Variants in PNMA6A observed in about 807,000 individuals in gnomAD.
The protein encoded by PNMA6A is paraneoplastic antigen-like protein 6A.
For synonymous variants in PNMA6A, 2 were observed against 49.3 expected, an observed-to-expected ratio of 0.04 and a Z score of 4.02; for missense variants, 8 against 103.5, an observed-to-expected ratio of 0.08 and a Z score of 4.00.
chrX:153,074,315 C>T lies in PNMA6A; in HGVS notation c.*53C>T, dbSNP rs2051217744. On this transcript the variant is annotated 3_prime_UTR_variant, in exon 2 of 2. Coordinates refer to ENST00000421798, the MANE Select transcript of PNMA6A (RefSeq NM_032882.6). Reference sequence around the variant, plus strand: ...GAGTCCTCCCCGGGCAAATAGGCTCCGAGGGCCCCGGGGCCTCCTCTCCTC... The same window carrying T: ...GAGTCCTCCCCGGGCAAATAGGCTCTGAGGGCCCCGGGGCCTCCTCTCCTC... 1 of 456,119 alleles carries T rather than the reference C, an allele frequency of 2.2e-6. No individual in the cohort carries two copies. Among genetic ancestry groups the T allele is most frequent in the Non-Finnish European group, 3.9e-6 (1 of 257,343 alleles). The allele number at this position is 456,119 out of a possible 1,213,427, so 37.6% of individuals were successfully genotyped here. A position where few individuals can be genotyped will look rare whatever the true frequency, so the allele number is the denominator to read the frequency against.
In PNMA6A at chrX:153,074,987, ATCTC is replaced by A. The variant is rs1356472455; in HGVS notation, c.*729_*732del. 1 of 122,912 alleles carries A rather than the reference ATCTC, an allele frequency of 8.1e-6. No individual in the cohort carries two copies. Among genetic ancestry groups the A allele is most frequent in the Non-Finnish European group, 1.9e-5 (1 of 53,836 alleles). 10.1% of individuals were successfully genotyped at this position (122,912 alleles called of 1,213,427 possible). A position where few individuals can be genotyped will look rare whatever the true frequency, so the allele number is the denominator to read the frequency against. ...CTTCTCTTCAACGGTTTCAGTACAT[ATCTC>A]TCTTCAATAAATTTCATTCAGTGTT... is the stretch of plus-strand genomic sequence containing the variant. On this transcript the variant is annotated 3_prime_UTR_variant, in exon 2 of 2. Coordinates refer to ENST00000421798, the MANE Select transcript of PNMA6A (RefSeq NM_032882.6).
rs2051209998 is a variant in PNMA6A at position 153,073,237 on chromosome X, GAGGATAATGCC to G, written c.177_187del (p.Glu59AspfsTer110). The stretch of plus-strand genomic sequence containing the variant: ...AGTGCTAGGCAAAGCGTTTCGAGAG[GAGGATAATGCC>G]ACCGCGGCCCTGGTCGAGCTCGACC... On this transcript the variant is annotated frameshift_variant, in exon 2 of 2. Coordinates refer to ENST00000421798, the MANE Select transcript of PNMA6A (RefSeq NM_032882.6). LOFTEE classifies it high-confidence loss of function. 3.0e-6 allele frequency: 1 copy of G among 336,952 alleles called. No individual in the cohort carries two copies. Among genetic ancestry groups the G allele is most frequent in the Admixed American group, 3.6e-5 (1 of 28,056 alleles). The allele number at this position is 336,952 out of a possible 1,213,427, so 27.8% of individuals were successfully genotyped here.
chrX:153,074,380 G>C lies in PNMA6A; in HGVS notation c.*118G>C. The C allele has an allele frequency of 1.2e-6, 1 of 865,382 alleles. No homozygotes were observed. Among genetic ancestry groups the C allele is most frequent in the Non-Finnish European group, 1.6e-6 (1 of 624,711 alleles). The allele number at this position is 865,382 out of a possible 1,213,427, so 71.3% of individuals were successfully genotyped here. A position where few individuals can be genotyped will look rare whatever the true frequency, so the allele number is the denominator to read the frequency against. ...GGCCCTGGAGACAGGCGGAGGCGGGGCCAGGGCCGGTCCCTCACCCCACAT... is the reference window on the plus strand; with the variant it reads ...GGCCCTGGAGACAGGCGGAGGCGGGCCCAGGGCCGGTCCCTCACCCCACAT... On this transcript the variant is annotated 3_prime_UTR_variant, in exon 2 of 2. Coordinates refer to ENST00000421798, the MANE Select transcript of PNMA6A (RefSeq NM_032882.6).
Position 153,074,397 on chromosome X carries a change from A to T in PNMA6A, c.*135A>T, listed in dbSNP as rs1603347250. ...GAGGCGGGGCCAGGGCCGGTCCCTCACCCCACATCGGGATCGGGGCCCCCC... is the reference window on the plus strand; with the variant it reads ...GAGGCGGGGCCAGGGCCGGTCCCTCTCCCCACATCGGGATCGGGGCCCCCC... On this transcript the variant is annotated 3_prime_UTR_variant, in exon 2 of 2. Transcript: ENST00000421798. The T allele has an allele frequency of 1.3e-6, 1 of 793,926 alleles. No individual in the cohort carries two copies. Among genetic ancestry groups the T allele is most frequent in the Non-Finnish European group, 1.8e-6 (1 of 561,956 alleles). 65.4% of individuals were successfully genotyped at this position (793,926 alleles called of 1,213,427 possible).
Position 153,074,528 on chromosome X carries a change from A to C in PNMA6A, c.*266A>C, listed in dbSNP as rs1853447915. The C allele has an allele frequency of 2.6e-6, 1 of 383,990 alleles. No homozygotes were observed. Among genetic ancestry groups the C allele is most frequent in the African/African-American group, 2.5e-5 (1 of 39,773 alleles). 31.6% of individuals were successfully genotyped at this position (383,990 alleles called of 1,213,427 possible). ...GAGGCGCCCCTCCAGTGCCAGGGGC[A>C]CGTGCTGTGAGCTTCCTGGGAGCCC... On this transcript the variant is annotated 3_prime_UTR_variant, in exon 2 of 2. Transcript: ENST00000421798.
In PNMA6A at chrX:153,074,479, A is replaced by C; in HGVS notation, c.*217A>C. ...CCTTCCCGGTGACCCAGATGACCAC[A>C]TTTAATACCAAATGGGGTGGGGGGA... On this transcript the variant is annotated 3_prime_UTR_variant, in exon 2 of 2. Coordinates refer to ENST00000421798, the MANE Select transcript of PNMA6A (RefSeq NM_032882.6). The C allele has an allele frequency of 2.2e-6, 1 of 445,033 alleles. No homozygotes were observed. 36.7% of individuals were successfully genotyped at this position (445,033 alleles called of 1,213,427 possible). A position where few individuals can be genotyped will look rare whatever the true frequency, so the allele number is the denominator to read the frequency against.
At position 153,074,607 on chromosome X, in the gene PNMA6A, G is replaced by C. The variant is rs897075457; in HGVS notation, c.*345G>C. The C allele has an allele frequency of 8.0e-6, 2 of 249,750 alleles. No homozygotes were observed. Among genetic ancestry groups the C allele is most frequent in the East Asian group, 1.9e-4 (2 of 10,394 alleles). 20.6% of individuals were successfully genotyped at this position (249,750 alleles called of 1,213,427 possible). On this transcript the variant is annotated 3_prime_UTR_variant, in exon 2 of 2. Coordinates refer to ENST00000421798, the MANE Select transcript of PNMA6A (RefSeq NM_032882.6). The stretch of plus-strand genomic sequence containing the variant: ...TGAGCACCACCTCTGCTTTCCCTGC[G>C]TAGATCTAGGCCAGGGGCTGCTTGT...
At position 153,074,492 on chromosome X, in the gene PNMA6A, T is replaced by G; in HGVS notation, c.*230T>G. ...CCAGATGACCACATTTAATACCAAATGGGGTGGGGGGAGGCGCCCCTCCAG... is the reference window on the plus strand; with the variant it reads ...CCAGATGACCACATTTAATACCAAAGGGGGTGGGGGGAGGCGCCCCTCCAG... On this transcript the variant is annotated 3_prime_UTR_variant, in exon 2 of 2. Transcript: ENST00000421798. 4.7e-6 allele frequency: 2 copies of G among 421,095 alleles called. No individual in the cohort carries two copies. Among genetic ancestry groups the G allele is most frequent in the South Asian group, 3.6e-5 (1 of 27,448 alleles). 34.7% of individuals were successfully genotyped at this position (421,095 alleles called of 1,213,427 possible).
rs918475482 is a variant in PNMA6A at position 153,074,976 on chromosome X, T to C, written c.*714T>C. 8.1e-6 allele frequency: 1 copy of C among 123,083 alleles called. No homozygotes were observed. The highest frequency in any genetic ancestry group is 3.3e-5 in the African/African-American group (1 of 30,581). The allele number at this position is 123,083 out of a possible 1,213,427, so 10.1% of individuals were successfully genotyped here. A position where few individuals can be genotyped will look rare whatever the true frequency, so the allele number is the denominator to read the frequency against. On this transcript the variant is annotated 3_prime_UTR_variant, in exon 2 of 2. Coordinates refer to ENST00000421798, the MANE Select transcript of PNMA6A (RefSeq NM_032882.6). The stretch of plus-strand genomic sequence containing the variant: ...GTTGTGATTCCCTTCTCTTCAACGG[T>C]TTCAGTACATATCTCTCTTCAATAA...
At position 153,073,712 on chromosome X, in the gene PNMA6A, CCGCCAGGACGG is replaced by C. The variant is rs2051213707; in HGVS notation, c.654_664del (p.Arg219GlyfsTer75). On this transcript the variant is annotated frameshift_variant, in exon 2 of 2. Coordinates refer to ENST00000421798, the MANE Select transcript of PNMA6A (RefSeq NM_032882.6). LOFTEE classifies it high-confidence loss of function. ...GTGCACGCGCTCCTGGCGGAGAACCCCGCCAGGACGGCGCAGGACTGTCTGGCGGCCCTGGC... is the reference window on the plus strand; with the variant it reads ...GTGCACGCGCTCCTGGCGGAGAACCCCGCAGGACTGTCTGGCGGCCCTGGC... 8.0e-6 allele frequency: 3 copies of C among 375,959 alleles called. No homozygotes were observed. The African/African-American group carries it at 9.9e-5, about 12-fold the overall frequency. 31.0% of individuals were successfully genotyped at this position (375,959 alleles called of 1,213,427 possible).
intron 1 of PNMA6A, 99 bp downstream of exon 1, chrX:153,072,705 C>CGGTCCGG: frequency 4.8e-3 from 18 of 3,758 alleles, no homozygotes; most frequent in Admixed American, 0.011. Context: ...TGCGGGGCAG[C>CGGTCCGG]GGTCCGGGGT....
rs1237984209 is a variant in PNMA6A, at chrX:153,074,406, C to T, written c.*144C>T. 9.4e-6 allele frequency: 7 copies of T among 743,497 alleles called. No homozygotes were observed. The highest frequency in any genetic ancestry group is 2.1e-5 in the African/African-American group (1 of 47,556). The allele number at this position is 743,497 out of a possible 1,213,427, so 61.3% of individuals were successfully genotyped here. A position where few individuals can be genotyped will look rare whatever the true frequency, so the allele number is the denominator to read the frequency against. ...CCAGGGCCGGTCCCTCACCCCACAT[C>T]GGGATCGGGGCCCCCCACTTCCCCC... On this transcript the variant is annotated 3_prime_UTR_variant, in exon 2 of 2. Coordinates refer to ENST00000421798, the MANE Select transcript of PNMA6A (RefSeq NM_032882.6).
chrX:153,074,610 G>C lies in PNMA6A; in HGVS notation c.*348G>C, dbSNP rs1256728904. Reference sequence around the variant, plus strand: ...GCACCACCTCTGCTTTCCCTGCGTAGATCTAGGCCAGGGGCTGCTTGTTTT... The same window carrying C: ...GCACCACCTCTGCTTTCCCTGCGTACATCTAGGCCAGGGGCTGCTTGTTTT... On this transcript the variant is annotated 3_prime_UTR_variant, in exon 2 of 2. Coordinates refer to ENST00000421798, the MANE Select transcript of PNMA6A (RefSeq NM_032882.6). 8.3e-6 allele frequency: 2 copies of C among 242,170 alleles called. No homozygotes were observed. Among genetic ancestry groups the C allele is most frequent in the Non-Finnish European group, 1.5e-5 (2 of 129,303 alleles). The allele number at this position is 242,170 out of a possible 1,213,427, so 20.0% of individuals were successfully genotyped here.
rs1285021127 is a variant in PNMA6A at position 153,074,239 on chromosome X, G to A, written c.1177G>A (p.Val393Ile). The change falls in exon 2 of 2, where the codon GTC becomes ATC. Residue 393 changes from valine (V) to isoleucine (I), a missense_variant. Val to Ile is a conservative substitution (Grantham distance 29, BLOSUM62 3). Transcript: ENST00000421798. ...GCTCCTCCAGGAGGGGCTCAAGCCC[G>A]TCCTGGAGGAATGTGATAACTAGGT... ...EELLQEGLKPVLEECDN is the reference protein window; with the variant it reads ...EELLQEGLKPILEECDN The A allele has an allele frequency of 3.2e-6, 2 of 625,272 alleles. No individual in the cohort carries two copies. The highest frequency in any genetic ancestry group is 3.7e-5 in the East Asian group (1 of 27,010). 51.5% of individuals were successfully genotyped at this position (625,272 alleles called of 1,213,427 possible).
chrX:153,074,545 T>G lies in PNMA6A; in HGVS notation c.*283T>G. The stretch of plus-strand genomic sequence containing the variant: ...CCAGGGGCACGTGCTGTGAGCTTCC[T>G]GGGAGCCCAGGTTGTGCTCACTGCT... On this transcript the variant is annotated 3_prime_UTR_variant, in exon 2 of 2. Coordinates refer to ENST00000421798, the MANE Select transcript of PNMA6A (RefSeq NM_032882.6). 1 of 360,525 alleles carries G rather than the reference T, an allele frequency of 2.8e-6. No homozygotes were observed. Among genetic ancestry groups the G allele is most frequent in the East Asian group, 5.3e-5 (1 of 19,028 alleles). 29.7% of individuals were successfully genotyped at this position (360,525 alleles called of 1,213,427 possible).
chrX:153,074,569 C>G lies in PNMA6A; in HGVS notation c.*307C>G. 1 of 333,174 alleles carries G rather than the reference C, an allele frequency of 3.0e-6. No homozygotes were observed. Among genetic ancestry groups the G allele is most frequent in the South Asian group, 4.3e-5 (1 of 23,052 alleles). 27.5% of individuals were successfully genotyped at this position (333,174 alleles called of 1,213,427 possible). On this transcript the variant is annotated 3_prime_UTR_variant, in exon 2 of 2. Coordinates refer to ENST00000421798, the MANE Select transcript of PNMA6A (RefSeq NM_032882.6). ...CTGGGAGCCCAGGTTGTGCTCACTGCTCTCCCGTATCGTGAGCACCACCTC... is the reference window on the plus strand; with the variant it reads ...CTGGGAGCCCAGGTTGTGCTCACTGGTCTCCCGTATCGTGAGCACCACCTC...
rs1385932135 is a variant in PNMA6A, at chrX:153,074,638, TG to T, written c.*378del. On this transcript the variant is annotated 3_prime_UTR_variant, in exon 2 of 2. Coordinates refer to ENST00000421798, the MANE Select transcript of PNMA6A (RefSeq NM_032882.6). ...CTAGGCCAGGGGCTGCTTGTTTTTG[TG>T]GAGCCGTGTGTGTTCTTCTCTGAGC... 4.3e-5 allele frequency: 9 copies of T among 208,541 alleles called. No individual in the cohort carries two copies. Among genetic ancestry groups the T allele is most frequent in the African/African-American group, 2.7e-4 (9 of 33,261 alleles). 17.2% of individuals were successfully genotyped at this position (208,541 alleles called of 1,213,427 possible). A position where few individuals can be genotyped will look rare whatever the true frequency, so the allele number is the denominator to read the frequency against.
Position 153,074,324 on chromosome X carries a change from C to T in PNMA6A, c.*62C>T. The T allele has an allele frequency of 1.9e-6, 1 of 518,182 alleles. No individual in the cohort carries two copies. The highest frequency in any genetic ancestry group is 3.2e-5 in the South Asian group (1 of 31,491). The allele number at this position is 518,182 out of a possible 1,213,427, so 42.7% of individuals were successfully genotyped here. ...CCGGGCAAATAGGCTCCGAGGGCCC[C>T]GGGGCCTCCTCTCCTCCTCTCAGGC... On this transcript the variant is annotated 3_prime_UTR_variant, in exon 2 of 2. Coordinates refer to ENST00000421798, the MANE Select transcript of PNMA6A (RefSeq NM_032882.6).
rs1477921114 is a variant in PNMA6A at position 153,074,287 on chromosome X, C to T, written c.*25C>T. Reference sequence around the variant, plus strand: ...GGTTGGGGCTGGGGAGGCAGCCCAGCGCGAGTCCTCCCCGGGCAAATAGGC... The same window carrying T: ...GGTTGGGGCTGGGGAGGCAGCCCAGTGCGAGTCCTCCCCGGGCAAATAGGC... On this transcript the variant is annotated 3_prime_UTR_variant, in exon 2 of 2. Coordinates refer to ENST00000421798, the MANE Select transcript of PNMA6A (RefSeq NM_032882.6). 1,149 of 422,970 alleles carry T rather than the reference C, an allele frequency of 2.7e-3. 9 individuals carry two copies. Among genetic ancestry groups the T allele is most frequent in the Non-Finnish European group, 4.1e-3 (964 of 235,289 alleles). The allele number at this position is 422,970 out of a possible 1,213,427, so 34.9% of individuals were successfully genotyped here.
Sources: allele counts gnomAD v4.1 joint callset, GRCh38; gene constraint gnomAD v4.1.1; transcripts MANE v1.5; gene names NCBI Gene and HGNC (gene_info 2026-07-23, HGNC 2026-07-21).